CDK14: variants seen among roughly 807,000 people sequenced by gnomAD.
CDK14 encodes the protein cyclin dependent kinase 14, also known as cyclin-dependent kinase 14.
In CDK14, 34 loss-of-function variants were observed where a neutral mutation model predicts 60.7. The ratio of observed to expected loss-of-function variants is 0.56; its 90% CI spans 0.43 to 0.75. The LOEUF (loss-of-function observed/expected upper bound fraction) is 0.75, where lower values mean the gene tolerates loss of function less well. Among genes scored for constraint, CDK14 ranks in the 30% least tolerant of loss-of-function variants. CDK14 has a pLI of 0.00. For synonymous variants in CDK14, 197 were observed against 203.7 expected, an observed-to-expected ratio of 0.97 and a Z score of 0.28; for missense variants, 482 against 564.1, an observed-to-expected ratio of 0.85 and a Z score of 1.47.
At chr7:90,636,225 GA>G (rs1221323655) in intron 2 of CDK14, among the ~76,000 whole-genome samples, 1 of 152,192 alleles carries the variant, frequency 6.6e-6, no homozygotes, top group Non-Finnish European at 1.5e-5. Flanking sequence ...TTTTCAAATG[GA>G]ATGGTTCCAG....
chr7:91,132,428 G>A (rs1366858271), intron 14 of CDK14, among the ~76,000 whole-genome samples: 2 of 152,074 alleles, frequency 1.3e-5, no homozygotes, highest in Non-Finnish European at 2.9e-5. Flanking sequence ...GTCATTTGAA[G>A]CCCGATTCTG....
At chr7:91,173,562 G>A (rs1353185373) in intron 14 of CDK14, among the ~76,000 whole-genome samples, 1 of 152,196 alleles carries the variant, frequency 6.6e-6, no homozygotes. Flanking sequence ...ATCTCACTAG[G>A]GAGTGCCAGA....
chr7:90,603,520 G>A (rs1392275973), intron 1 of CDK14, among the ~76,000 whole-genome samples: 1 of 152,128 alleles, frequency 6.6e-6, no homozygotes, highest in African/African-American at 2.4e-5. Context: ...ATCTAGGTTT[G>A]TATAAGTACA....
intron 2 of CDK14, among the ~76,000 whole-genome samples, chr7:90,639,128 A>G (rs187846520): frequency 2.6e-5 from 4 of 152,026 alleles, no homozygotes; most frequent in Admixed American, 6.5e-5. Flanking sequence ...TCTTCTCTCA[A>G]CTCGTCAAAG....
intron 10 of CDK14, among the ~76,000 whole-genome samples, chr7:90,992,426 G>A (rs1052129265): frequency 1.4e-4 from 21 of 152,114 alleles, no homozygotes; most frequent in African/African-American, 5.1e-4. Context: ...TGCTTACTCT[G>A]GGCTAAATAA....
At chr7:90,881,293 A>C (rs1485091298) in intron 6 of CDK14, among the ~76,000 whole-genome samples, 1 of 152,256 alleles carries the variant, frequency 6.6e-6, no homozygotes, top group Non-Finnish European at 1.5e-5. Flanking sequence ...AACTTCGTGA[A>C]GCATACAGAA....
chr7:90,799,885 T>C (rs1356777845), intron 5 of CDK14, among the ~76,000 whole-genome samples: 1 of 151,866 alleles, frequency 6.6e-6, no homozygotes, highest in Non-Finnish European at 1.5e-5. Flanking sequence ...AGGGGGGACA[T>C]GGGAAAAAAT....
intron 14 of CDK14, among the ~76,000 whole-genome samples, chr7:91,143,960 G>A (rs1356593321): frequency 6.6e-6 from 1 of 152,096 alleles, no homozygotes; most frequent in East Asian, 1.9e-4. Flanking sequence ...TCATGTTGTT[G>A]CACTTATCAA....
chr7:90,831,369 G>A (rs1011950090), intron 5 of CDK14, among the ~76,000 whole-genome samples: 4 of 152,166 alleles, frequency 2.6e-5, no homozygotes, highest in Non-Finnish European at 5.9e-5. Context: ...ATCAGATCTT[G>A]TGAGAACTCA....
At chr7:90,974,171 G>C (rs1313195221) in intron 9 of CDK14, among the ~76,000 whole-genome samples, 1 of 152,102 alleles carries the variant, frequency 6.6e-6, no homozygotes, top group East Asian at 1.9e-4. Flanking sequence ...CTTTCTACGA[G>C]AAGGAAAATA....
chr7:90,630,493 A>G (rs531775429), intron 2 of CDK14, among the ~76,000 whole-genome samples: 3 of 152,342 alleles, frequency 2.0e-5, no homozygotes, highest in Admixed American at 1.3e-4. Flanking sequence ...TCATTATGCA[A>G]CACATGACTG....
intron 8 of CDK14, among the ~76,000 whole-genome samples, chr7:90,933,298 T>A (rs957498609): frequency 1.2e-4 from 17 of 146,332 alleles, no homozygotes; most frequent in African/African-American, 3.7e-4. Flanking sequence ...AAAAAAAAAA[T>A]TGTTAGCATG....
At chr7:91,207,045 G>T (rs1802922212) in intron 14 of CDK14, 120 bp from the exon 15 acceptor site, 1 of 152,074 alleles carries the variant, frequency 6.6e-6, no homozygotes, top group Non-Finnish European at 1.5e-5. Flanking sequence ...TGTTTGGAGT[G>T]GCTGTGGGGA....
chr7:90,993,633 C>T (rs1360991092), intron 10 of CDK14, among the ~76,000 whole-genome samples: 1 of 152,006 alleles, frequency 6.6e-6, no homozygotes, highest in African/African-American at 2.4e-5. Context: ...GTATGGCTGG[C>T]ACAGTGATGT....
At chr7:90,743,827 G>A (rs1803453042) in intron 3 of CDK14, among the ~76,000 whole-genome samples, 1 of 150,050 alleles carries the variant, frequency 6.7e-6, no homozygotes, top group Non-Finnish European at 1.5e-5. Context: ...ATGCTTACTG[G>A]GCTATATTTT....
chr7:90,670,355 T>G (rs1019081089), intron 2 of CDK14, among the ~76,000 whole-genome samples: 5 of 152,178 alleles, frequency 3.3e-5, no homozygotes, highest in Non-Finnish European at 5.9e-5. Flanking sequence ...ATGCCCAAAG[T>G]CACATAGGAC....
intron 2 of CDK14, among the ~76,000 whole-genome samples, chr7:90,717,171 A>G (rs552351282): frequency 1.3e-5 from 2 of 152,242 alleles, no homozygotes; most frequent in South Asian, 2.1e-4. Flanking sequence ...ATGAAGAAGT[A>G]TAGGCATCAA....
chr7:91,049,478 T>A (rs963334522), intron 11 of CDK14, among the ~76,000 whole-genome samples: 2 of 152,170 alleles, frequency 1.3e-5, no homozygotes, highest in African/African-American at 4.8e-5. Flanking sequence ...TACCTCAGCC[T>A]CCTAAAGTGC....
intron 2 of CDK14, among the ~76,000 whole-genome samples, chr7:90,656,004 A>C (rs371761483): frequency 7.9e-5 from 12 of 152,202 alleles, no homozygotes; most frequent in Middle Eastern, 3.4e-3. Context: ...CAGCCTGGGG[A>C]TGTTATAAAG....
Sources: allele counts gnomAD v4.1 joint callset (sites outside exome capture counted in the v4.1 genomes callset), GRCh38; gene constraint gnomAD v4.1.1; transcripts MANE v1.5; gene names NCBI Gene and HGNC (gene_info 2026-07-23, HGNC 2026-07-21).